Variants in MAP3K15 observed in about 807,000 individuals in gnomAD.
MAP3K15 encodes the protein MAPK/ERK kinase kinase 15.
Under a neutral mutation model 99.5 loss-of-function variants are expected in MAP3K15, and 124 were observed. The ratio of observed to expected loss-of-function variants is 1.25; its 90% CI spans 1.08 to 1.45. The LOEUF (loss-of-function observed/expected upper bound fraction) is 1.45. Ranked by LOEUF, MAP3K15 falls within the 40% of genes most tolerant of loss-of-function variation. The probability of loss-of-function intolerance (pLI) is 0.00; values close to 1 mark genes in which losing one functional copy is unlikely to be tolerated. For missense variants in MAP3K15, 1,242 were observed against 1,079.7 expected, an observed-to-expected ratio of 1.15 and a Z score of -2.11; for synonymous variants, 494 against 439.6, an observed-to-expected ratio of 1.12 and a Z score of -1.55.
At chrX:19,460,542 G>A (rs1407856291) in intron 4 of MAP3K15, among the ~76,000 whole-genome samples, 1 of 110,583 alleles carries the variant, frequency 9.0e-6, no homozygotes, top group African/African-American at 3.3e-5. Flanking sequence ...CAAAACCCAT[G>A]AAACATACAT....
intron 3 of MAP3K15, among the ~76,000 whole-genome samples, chrX:19,480,543 G>A (rs182019393): frequency 9.0e-4 from 97 of 107,981 alleles, no homozygotes; most frequent in African/African-American, 3.2e-3. Flanking sequence ...GGCCAGGCAC[G>A]GTGGCTTGTG....
intron 6 of MAP3K15, among the ~76,000 whole-genome samples, chrX:19,438,152 G>C (rs1306280513): frequency 4.5e-5 from 5 of 111,818 alleles, no homozygotes; most frequent in Non-Finnish European, 9.4e-5. Context: ...TGTTGCCCAA[G>C]TGGAATGCAC....
chrX:19,513,996 C>T (rs1236839979), intron 1 of MAP3K15, among the ~76,000 whole-genome samples: 2 of 111,466 alleles, frequency 1.8e-5, no homozygotes, highest in East Asian at 5.6e-4. Flanking sequence ...CCCGTGAATG[C>T]TGTGCATTAT....
chrX:19,394,789 CTTTTTTTTTTTTTTTTTTTT>C (rs144723219), intron 16 of MAP3K15, among the ~76,000 whole-genome samples: 14 of 17,524 alleles, frequency 8.0e-4, no homozygotes, highest in Non-Finnish European at 1.3e-3. Context: ...GGGTCTGTTG[CTTTTTTTTTTTTTTTTTTTT>C]TTTTTTTTTT....
intron 2 of MAP3K15, among the ~76,000 whole-genome samples, chrX:19,487,503 C>A (rs2064337143): frequency 8.9e-6 from 1 of 111,763 alleles, no homozygotes; most frequent in Admixed American, 9.6e-5. Flanking sequence ...AAGAAAAGGT[C>A]AATATCTAAC....
intron 3 of MAP3K15, among the ~76,000 whole-genome samples, chrX:19,464,985 A>G (rs2064156401): frequency 9.0e-6 from 1 of 110,768 alleles, no homozygotes; most frequent in African/African-American, 3.3e-5. Flanking sequence ...TCAACCTCCC[A>G]GGCTCAAACA....
chrX:19,393,805 CTG>C (rs2063546285), intron 16 of MAP3K15, among the ~76,000 whole-genome samples: 2 of 70,713 alleles, frequency 2.8e-5, no homozygotes, highest in Admixed American at 4.1e-4. Flanking sequence ...CGGAGTCTCA[CTG>C]TGTAACCTAG....
intron 3 of MAP3K15, chrX:19,482,027 A>C (rs1475825405): frequency 9.2e-6 from 1 of 108,787 alleles, no homozygotes; most frequent in East Asian, 2.9e-4. Flanking sequence ...AAATACAAAA[A>C]AAATTAGCCA....
intron 6 of MAP3K15, among the ~76,000 whole-genome samples, chrX:19,443,207 A>G (rs1234572774): frequency 9.7e-6 from 1 of 102,974 alleles, no homozygotes; most frequent in Non-Finnish European, 2.0e-5. Context: ...TCATTTTTGT[A>G]TTTTTAGTAG....
At chrX:19,399,004 G>A (rs1042282000) in intron 14 of MAP3K15, among the ~76,000 whole-genome samples, 1 of 112,501 alleles carries the variant, frequency 8.9e-6, no homozygotes, top group Non-Finnish European at 1.9e-5. Context: ...ATTTAAAGCA[G>A]AGAGGCAGCA....
In MAP3K15 at chrX:19,402,150, C is replaced by T. The variant is rs779836239; in HGVS notation, c.1845-1487G>A. On this transcript the variant is annotated intron_variant, in intron 13 of 28. Transcript: ENST00000338883. Reference sequence around the variant, plus strand: ...CAATTTTTTTTTTTTTTTAAATTAGCCAGGTGTGGTGGCACACACCTGTAG... The same window carrying T: ...CAATTTTTTTTTTTTTTTAAATTAGTCAGGTGTGGTGGCACACACCTGTAG... Among the ~76,000 whole-genome samples the T allele has an allele frequency of 2.5e-3, 271 of 107,697 alleles. 2 individuals are homozygous for T. The highest frequency in any genetic ancestry group is 8.7e-3 in the African/African-American group (253 of 29,044). 93.5% of individuals were successfully genotyped at this position (107,697 alleles called of 115,157 possible).
At position 19,361,554 on chromosome X, in the gene MAP3K15, G is replaced by C; in HGVS notation, c.3719C>G (p.Thr1240Arg). ...ENPAGPYGQRTDKELIDWLRL... is the reference protein window; with the variant it reads ...ENPAGPYGQRRDKELIDWLRL... ...CAACCAGTCTATAAGCTCTTTATCT[G>C]TTCTCTGCCCGTAGGGGCCTGCTGG... The change falls in exon 27 of 29, where the codon ACA becomes AGA. Residue 1240 changes from threonine (T) to arginine (R), a missense_variant. Coordinates refer to ENST00000338883, the MANE Select transcript of MAP3K15 (RefSeq NM_001001671.4). 2 of 1,211,050 alleles carry C rather than the reference G, an allele frequency of 1.7e-6. No individual in the cohort carries two copies. The highest frequency in any genetic ancestry group is 3.0e-5 in the East Asian group (1 of 33,861).
chrX:19,414,125 C>A (rs1244401436), intron 10 of MAP3K15: 1 of 93,648 alleles, frequency 1.1e-5, no homozygotes, highest in East Asian at 3.5e-4. Context: ...TGCACCACTG[C>A]ACGAGACTCC....
At chrX:19,408,214 TGG>T (rs912668101) in intron 12 of MAP3K15, among the ~76,000 whole-genome samples, 10 of 110,269 alleles carry the variant, frequency 9.1e-5, no homozygotes, top group Non-Finnish European at 1.9e-4. Context: ...CGGGGAGGGG[TGG>T]GGCGAGGATG....
rs2064556879 is a variant in MAP3K15, at chrX:19,515,507, A to C, written c.-246T>G. 5.1e-5 allele frequency among the ~76,000 whole-genome samples: 5 copies of C among 98,423 alleles called. No individual in the cohort carries two copies. In the South Asian group the frequency reaches 2.6e-3, roughly 51 times the overall value. The allele number at this position is 98,423 out of a possible 115,157, so 85.5% of individuals were successfully genotyped here. ...CGCCCTTTGAAGGCCGGAGAGAAAG[A>C]GGCGGGGGCTGGGGACGTCAGGGCG... On this transcript the variant is annotated 5_prime_UTR_variant, in exon 1 of 29. Coordinates refer to ENST00000338883, the MANE Select transcript of MAP3K15 (RefSeq NM_001001671.4).
chrX:19,393,358 C>T (rs1006391387), intron 16 of MAP3K15, among the ~76,000 whole-genome samples: 12 of 112,104 alleles, frequency 1.1e-4, no homozygotes, highest in Non-Finnish European at 7.5e-5. Flanking sequence ...GGGCCGGGCA[C>T]GGTGGCTCAC....
At chrX:19,441,164 T>C (rs1478163910) in intron 6 of MAP3K15, among the ~76,000 whole-genome samples, 1 of 112,122 alleles carries the variant, frequency 8.9e-6, no homozygotes, top group Non-Finnish European at 1.9e-5. Flanking sequence ...TATTGTATGA[T>C]TCCATTTATA....
At chrX:19,387,214 G>A (rs780606449) in intron 18 of MAP3K15, among the ~76,000 whole-genome samples, 2 of 110,956 alleles carry the variant, frequency 1.8e-5, no homozygotes, top group African/African-American at 6.6e-5. Flanking sequence ...ACAGTGGACT[G>A]GCACCCAAGT....
At chrX:19,413,640 C>T (rs2063707378) in intron 10 of MAP3K15, among the ~76,000 whole-genome samples, 176 bp from the exon 11 acceptor site, 1 of 80,008 alleles carries the variant, frequency 1.2e-5, no homozygotes, top group African/African-American at 5.4e-5. Flanking sequence ...CACTTGAGCC[C>T]AGGAGTTCAA....
Sources: allele counts gnomAD v4.1 joint callset (sites outside exome capture counted in the v4.1 genomes callset), GRCh38; gene constraint gnomAD v4.1.1; transcripts MANE v1.5; gene names NCBI Gene and HGNC (gene_info 2026-07-23, HGNC 2026-07-21).